CORO2A: variants seen among roughly 807,000 people sequenced by gnomAD.
The protein encoded by CORO2A is coronin 2A, also known as coronin-2A.
Under a neutral mutation model 62.4 loss-of-function variants are expected in CORO2A, and 47 were observed. The ratio of observed to expected loss-of-function variants is 0.75; its 90% confidence interval spans 0.60 to 0.96. The LOEUF (loss-of-function observed/expected upper bound fraction) is 0.96. Among genes scored for constraint, CORO2A ranks in the 40% least tolerant of loss-of-function variants. The probability of loss-of-function intolerance (pLI) is 0.00; values close to 1 mark genes in which losing one functional copy is unlikely to be tolerated. For synonymous variants in CORO2A, 273 were observed against 268.9 expected (o/e 1.02, Z -0.15); for missense variants, 610 against 684.1 (o/e 0.89, Z 1.21).
At chr9:98,173,245 G>A (rs1054251399) in intron 1 of CORO2A, among the ~76,000 whole-genome samples, 4 of 152,152 alleles carry the variant, frequency 2.6e-5, no homozygotes, top group Non-Finnish European at 4.4e-5. Context: ...CCAAGTTCCC[G>A]GTGACTAGGA....
intron 1 of CORO2A, among the ~76,000 whole-genome samples, chr9:98,176,906 C>T (rs1009659552): frequency 7.2e-5 from 11 of 152,146 alleles, no homozygotes; most frequent in African/African-American, 2.4e-4. Flanking sequence ...CAAAAGAGTA[C>T]GCTAAAACAC....
chr9:98,163,714 G>A (rs903145975), intron 1 of CORO2A, among the ~76,000 whole-genome samples: 2 of 142,340 alleles, frequency 1.4e-5, no homozygotes, highest in African/African-American at 5.3e-5. Flanking sequence ...CATGCGGGGT[G>A]TGTGTGTGTG....
intron 1 of CORO2A, among the ~76,000 whole-genome samples, chr9:98,159,234 A>G (rs11795235): frequency 6.6e-6 from 1 of 151,792 alleles, no homozygotes; most frequent in Non-Finnish European, 1.5e-5. Flanking sequence ...AATTAAAAAA[A>G]TTTTTTTTCT....
chr9:98,158,860 C>CA (rs34397649), intron 1 of CORO2A, among the ~76,000 whole-genome samples: 7 of 150,680 alleles, frequency 4.6e-5, no homozygotes, highest in Non-Finnish European at 1.0e-4. Context: ...CACACACACA[C>CA]CATGTATATT....
chr9:98,145,930 T>G (rs1327980098), intron 2 of CORO2A, among the ~76,000 whole-genome samples: 2 of 152,232 alleles, frequency 1.3e-5, no homozygotes, highest in African/African-American at 4.8e-5. Context: ...CAGGCTAGTC[T>G]CGAATGCCTG....
Position 98,134,936 on chromosome 9 carries a change from G to C in CORO2A, c.338C>G (p.Pro113Arg), listed in dbSNP as rs770420138. 6.2e-7 allele frequency: 1 copy of C among 1,614,112 alleles called. No individual in the cohort carries two copies. The highest frequency in any genetic ancestry group is 8.5e-7 in the Non-Finnish European group (1 of 1,180,018). The stretch of plus-strand genomic sequence containing the variant: ...GAGGTTCCTGGTCAGCAGCTGCTTG[G>C]GGATGCTCCAGATCTTAATCTGGCA... ...EDATIKIWSI[P>R]KQLLTRNLTA... The change falls in exon 4 of 12, where the codon CCC becomes CGC. Residue 113 changes from proline to arginine, a missense_variant. Pro to Arg is a moderately radical substitution (Grantham distance 103). Transcript: ENST00000375077.
In CORO2A at chr9:98,128,204, C is replaced by G. The variant is rs759401045; in HGVS notation, c.1137G>C (p.Leu379=). 2 of 1,613,680 alleles carry G rather than the reference C, an allele frequency of 1.2e-6. No individual in the cohort carries two copies. The highest frequency in any genetic ancestry group is 2.2e-5 in the South Asian group (2 of 90,914). ...YPPTAGAQPS[L]TAQEWLSGMN... ...TCCCGCTGAGCCACTCCTGGGCCGTCAGGGAGGGCTGGGCCCCTGCTGTTG... is the reference window on the plus strand; with the variant it reads ...TCCCGCTGAGCCACTCCTGGGCCGTGAGGGAGGGCTGGGCCCCTGCTGTTG... Residue 379 remains leucine, a synonymous_variant, in exon 10 of 12, where the codon CTG becomes CTC. Transcript: ENST00000375077.
chr9:98,170,421 G>A (rs1258240957), intron 1 of CORO2A, among the ~76,000 whole-genome samples: 4 of 152,196 alleles, frequency 2.6e-5, no homozygotes, highest in African/African-American at 9.7e-5. Flanking sequence ...TGCTGGTCAG[G>A]CTGGAGAATC....
At position 98,134,793 on chromosome 9, in the gene CORO2A, T is replaced by C; in HGVS notation, c.468+13A>G. ...TGTTGGGGCTGCCCCAGAGAAAGAA[T>C]ACCCAGACTCACCTTGTAGTCATAG... On this transcript the variant is annotated intron_variant, in intron 4 of 11. Transcript: ENST00000375077. 1 of 1,597,980 alleles carries C rather than the reference T, an allele frequency of 6.3e-7. No homozygotes were observed.
At chr9:98,144,034 C>A (rs1469902180) in intron 2 of CORO2A, among the ~76,000 whole-genome samples, 3 of 152,118 alleles carry the variant, frequency 2.0e-5, no homozygotes, top group Admixed American at 2.0e-4. Context: ...CCCATCTCTA[C>A]AAAAATTAGT....
intron 1 of CORO2A, among the ~76,000 whole-genome samples, chr9:98,186,874 A>T (rs1828245416): frequency 6.6e-6 from 1 of 152,020 alleles, no homozygotes; most frequent in South Asian, 2.1e-4. Flanking sequence ...CTCCCCTAGC[A>T]CTGAGCTCAC....
chr9:98,158,111 C>A (rs2118877580), intron 1 of CORO2A, among the ~76,000 whole-genome samples: 1 of 152,306 alleles, frequency 6.6e-6, no homozygotes, highest in Middle Eastern at 3.4e-3. Context: ...GACTTAACCT[C>A]TGGAGTCTCA....
rs1187021843 is a variant in CORO2A at position 98,137,555 on chromosome 9, CA to C, written c.318+16del. The C allele has an allele frequency of 1.1e-5, 17 of 1,593,472 alleles. No individual in the cohort carries two copies. The highest frequency in any genetic ancestry group is 1.3e-5 in the Non-Finnish European group (15 of 1,161,342). ...CACTCTTCAGGAAGGGGAAGCCCCT[CA>C]GGGGCTGACACTCACTGTGGCATCT... On this transcript the variant is annotated intron_variant, in intron 3 of 11. Coordinates refer to ENST00000375077, the MANE Select transcript of CORO2A (RefSeq NM_052820.4).
chr9:98,174,363 GGT>G (rs1828081017), intron 1 of CORO2A, among the ~76,000 whole-genome samples: 1 of 152,198 alleles, frequency 6.6e-6, no homozygotes, highest in African/African-American at 2.4e-5. Flanking sequence ...TGCTCAGCCA[GGT>G]GTTAGTCTCC....
At chr9:98,164,689 G>A (rs1827935123) in intron 1 of CORO2A, among the ~76,000 whole-genome samples, 1 of 152,132 alleles carries the variant, frequency 6.6e-6, no homozygotes, top group South Asian at 2.1e-4. Flanking sequence ...GCCTTGCACC[G>A]GCCAGCAACA....
At chr9:98,138,067 G>A (rs1299062319) in intron 2 of CORO2A, among the ~76,000 whole-genome samples, 1 of 152,182 alleles carries the variant, frequency 6.6e-6, no homozygotes, top group Non-Finnish European at 1.5e-5. Context: ...TCCTCAAAAG[G>A]TTAACCGGTT....
At chr9:98,132,437 G>C in intron 5 of CORO2A, 136 bp from the exon 6 acceptor site, 1 of 660,314 alleles carries the variant, frequency 1.5e-6, no homozygotes, top group South Asian at 1.8e-5. Context: ...TCTGCCTGGA[G>C]ATTCTTCCCA....
rs776869525 is a variant in CORO2A at position 98,132,242 on chromosome 9, C to T, written c.708G>A (p.Lys236=). ...ATCGGGATGTGCCTGTGGACATCAGCTTCTTCAGGTTCCCCAGAAACAGCA... is the reference window on the plus strand; with the variant it reads ...ATCGGGATGTGCCTGTGGACATCAGTTTCTTCAGGTTCCCCAGAAACAGCA... ...SKVLFLGNLK[K]LMSTGTSRWN... The change falls in exon 6 of 12, where the codon AAG becomes AAA. Residue 236 remains lysine, a synonymous_variant. Coordinates refer to ENST00000375077, the MANE Select transcript of CORO2A (RefSeq NM_052820.4). 104 of 1,614,110 alleles carry T rather than the reference C, an allele frequency of 6.4e-5. No individual in the cohort carries two copies. The highest frequency in any genetic ancestry group is 8.5e-5 in the Non-Finnish European group (100 of 1,180,050).
chr9:98,126,905 T>C, intron 10 of CORO2A, 82 bp from the exon 11 acceptor site: 1 of 1,480,366 alleles, frequency 6.8e-7, no homozygotes, highest in Non-Finnish European at 9.4e-7. Flanking sequence ...CAGGCAGGCA[T>C]GCAGAGACAC....
Sources: allele counts gnomAD v4.1 joint callset (sites outside exome capture counted in the v4.1 genomes callset), GRCh38; gene constraint gnomAD v4.1.1; transcripts MANE v1.5; gene names NCBI Gene and HGNC (gene_info 2026-07-23, HGNC 2026-07-21).